Variants in CTDNEP1 observed in about 807,000 individuals in gnomAD.
The protein encoded by CTDNEP1 is C-terminal domain nuclear envelope phosphatase 1.
CTDNEP1 carries 3 observed loss-of-function variants against 30.1 expected under a neutral mutation model. The ratio of observed to expected loss-of-function variants is 0.10; its 90% CI spans 0.05 to 0.26. The LOEUF (loss-of-function observed/expected upper bound fraction) is 0.26, where lower values mean the gene tolerates loss of function less well. Among genes scored for constraint, CTDNEP1 ranks in the 10% least tolerant of loss-of-function variants. The pLI, the probability that CTDNEP1 is intolerant of heterozygous loss-of-function variation, is 1.00. For missense variants in CTDNEP1, 158 were observed against 310.4 expected, an observed-to-expected ratio of 0.51 and a Z score of 3.69; for synonymous variants, 123 against 118.8, an observed-to-expected ratio of 1.04 and a Z score of -0.23.
At chr17:7,249,414 GGGAAT>G (rs2071884488) in intron 1 of CTDNEP1, among the ~76,000 whole-genome samples, 1 of 152,172 alleles carries the variant, frequency 6.6e-6, no homozygotes, top group East Asian at 1.9e-4. Context: ...TGGGCATGTA[GGGAAT>G]GCTCCAAGCA....
chr17:7,251,162 T>C (rs1597577267), intron 1 of CTDNEP1, 33 bp downstream of exon 1: 1 of 1,503,244 alleles, frequency 6.7e-7, no homozygotes, highest in Admixed American at 1.9e-5. Flanking sequence ...CCGCCAGACG[T>C]CCCCAACACC....
In CTDNEP1 at chr17:7,247,292, A is replaced by G; in HGVS notation, c.154T>C (p.Ser52Pro). The G allele has an allele frequency of 6.2e-7, 1 of 1,614,018 alleles. No homozygotes were observed. The highest frequency in any genetic ancestry group is 8.5e-7 in the Non-Finnish European group (1 of 1,179,986). The change falls in exon 2 of 8, where the codon TCC becomes CCC. Residue 52 changes from serine to proline, a missense_variant. By Grantham distance (74) the Ser-to-Pro change is moderately conservative. Coordinates refer to ENST00000574322, the MANE Select transcript of CTDNEP1 (RefSeq NM_001143775.2). The stretch of plus-strand genomic sequence containing the variant: ...ACATACTTACCTAGCCGATTCCGGG[A>G]CACAGGAGATAAGGGGAGGATATCA... ...RYDILPLSPVSRNRLAQVKRK... is the reference protein window; with the variant it reads ...RYDILPLSPVPRNRLAQVKRK...
In CTDNEP1 at chr17:7,246,484, A is replaced by C. The variant is rs982074142; in HGVS notation, c.361-114T>G. The C allele has an allele frequency of 2.7e-5, 22 of 804,094 alleles. No homozygotes were observed. The African/African-American group carries it at 3.4e-4, about 12-fold the overall frequency. The allele number at this position is 804,094 out of a possible 1,614,324, so 49.8% of individuals were successfully genotyped here. On this transcript the variant is annotated intron_variant, in intron 4 of 7. Transcript: ENST00000574322. This position sits in a 1 kb window ranked among gnomAD's most constrained non-coding sequence, Gnocchi z 4.9. ...TCCTTCAGGCCTTCCATCAACATCAAATGTCTCTGAGGACACGAAATTCTG... is the reference window on the plus strand; with the variant it reads ...TCCTTCAGGCCTTCCATCAACATCACATGTCTCTGAGGACACGAAATTCTG...
chr17:7,246,154 C>T lies in CTDNEP1; in HGVS notation c.478-17G>A. The T allele has an allele frequency of 6.2e-7, 1 of 1,603,816 alleles. No homozygotes were observed. The highest frequency in any genetic ancestry group is 1.1e-5 in the South Asian group (1 of 90,868). On this transcript the variant is annotated splice_polypyrimidine_tract_variant and intron_variant, in intron 5 of 7. Coordinates refer to ENST00000574322, the MANE Select transcript of CTDNEP1 (RefSeq NM_001143775.2). This position sits in a 1 kb window ranked among gnomAD's most constrained non-coding sequence, Gnocchi z 4.9. ...AGTGCAGTGCTGGAAGGCAGGGGAT[C>T]ATGTAGCAGGCCTCTCTCCAGGATA...
Position 7,244,090 on chromosome 17 carries a change from G to A in CTDNEP1, c.*95C>T, listed in dbSNP as rs1316565548. On this transcript the variant is annotated 3_prime_UTR_variant, in exon 8 of 8. Transcript: ENST00000574322. ...GGGTGGGAGGGGCAGACCCTGCCCAGGCAGTCCTCACATTGGACAGGGCAT... is the reference window on the plus strand; with the variant it reads ...GGGTGGGAGGGGCAGACCCTGCCCAAGCAGTCCTCACATTGGACAGGGCAT... 3.8e-6 allele frequency: 6 copies of A among 1,572,516 alleles called. No individual in the cohort carries two copies. The highest frequency in any genetic ancestry group is 2.3e-5 in the East Asian group (1 of 43,682).
At position 7,243,878 on chromosome 17, in the gene CTDNEP1, T is replaced by C; in HGVS notation, c.*307A>G. 5 of 1,140,660 alleles carry C rather than the reference T, an allele frequency of 4.4e-6. No individual in the cohort carries two copies. The South Asian group carries it at 6.6e-5, about 15-fold the overall frequency. 70.7% of individuals were successfully genotyped at this position (1,140,660 alleles called of 1,614,324 possible). On this transcript the variant is annotated 3_prime_UTR_variant, in exon 8 of 8. Transcript: ENST00000574322. The stretch of plus-strand genomic sequence containing the variant: ...TTTGAGCCTCCTGGATCACCGTATG[T>C]CTGTCACTCTGGCCAGTCCTGCCTC...
Position 7,243,990 on chromosome 17 carries a change from G to C in CTDNEP1, c.*195C>G. On this transcript the variant is annotated 3_prime_UTR_variant, in exon 8 of 8. Transcript: ENST00000574322. ...GGAGTGTGAACACGAAGTTAAGAGT[G>C]AGGCTGCTTCAGAGCCCCTGGCCCA... 2.1e-6 allele frequency: 3 copies of C among 1,399,564 alleles called. No individual in the cohort carries two copies. The highest frequency in any genetic ancestry group is 2.8e-6 in the Non-Finnish European group (3 of 1,075,860). The allele number at this position is 1,399,564 out of a possible 1,614,324, so 86.7% of individuals were successfully genotyped here. A position where few individuals can be genotyped will look rare whatever the true frequency, so the allele number is the denominator to read the frequency against.
chr17:7,246,151 G>C lies in CTDNEP1; in HGVS notation c.478-14C>G. The C allele has an allele frequency of 6.2e-7, 1 of 1,605,290 alleles. No homozygotes were observed. Among genetic ancestry groups the C allele is most frequent in the Non-Finnish European group, 8.5e-7 (1 of 1,172,078 alleles). On this transcript the variant is annotated splice_polypyrimidine_tract_variant and intron_variant, in intron 5 of 7. Transcript: ENST00000574322. This position sits in a 1 kb window ranked among gnomAD's most constrained non-coding sequence, Gnocchi z 4.9. ...CAAAGTGCAGTGCTGGAAGGCAGGG[G>C]ATCATGTAGCAGGCCTCTCTCCAGG...
chr17:7,244,436 T>C, intron 7 of CTDNEP1, 115 bp downstream of exon 7: 1 of 1,261,832 alleles, frequency 7.9e-7, no homozygotes, highest in Non-Finnish European at 1.1e-6. Context: ...GGTCCAAATG[T>C]TAAATTCTTA....
rs1379101575 is a variant in CTDNEP1 at position 7,248,259 on chromosome 17, C to CCAAAA, written c.103-917_103-916insTTTTG. ...CTGGTGACAGAGCAAGACTCCGTCG[C>CCAAAA]AAAAAAAAAAAAAAAAAAAAAAAAA... On this transcript the variant is annotated intron_variant, in intron 1 of 7. Coordinates refer to ENST00000574322, the MANE Select transcript of CTDNEP1 (RefSeq NM_001143775.2). Among the ~76,000 whole-genome samples, 83 of 15,408 alleles carry CCAAAA rather than the reference C, an allele frequency of 5.4e-3. 8 individuals are homozygous for CCAAAA. The highest frequency in any genetic ancestry group is 7.2e-3 in the African/African-American group (75 of 10,386). The allele number at this position is 15,408 out of a possible 152,430, so 10.1% of individuals were successfully genotyped here. A position where few individuals can be genotyped will look rare whatever the true frequency, so the allele number is the denominator to read the frequency against.
chr17:7,248,057 C>T (rs750812272), intron 1 of CTDNEP1, among the ~76,000 whole-genome samples: 4 of 150,980 alleles, frequency 2.6e-5, no homozygotes, highest in South Asian at 2.1e-4. Context: ...GGTCAAGAGA[C>T]GGAGACCATC....
chr17:7,246,180 C>T lies in CTDNEP1; in HGVS notation c.478-43G>A. ...ATGTAGCAGGCCTCTCTCCAGGATA[C>T]TCTCCTCAAACCCAGATCCCTCCCT... On this transcript the variant is annotated intron_variant, in intron 5 of 7. Coordinates refer to ENST00000574322, the MANE Select transcript of CTDNEP1 (RefSeq NM_001143775.2). The surrounding 1 kb of genome is among the most constrained non-coding windows in gnomAD (Gnocchi z 4.9). The T allele has an allele frequency of 6.3e-7, 1 of 1,588,424 alleles. No homozygotes were observed. The highest frequency in any genetic ancestry group is 8.6e-7 in the Non-Finnish European group (1 of 1,156,678).
In CTDNEP1 at chr17:7,243,942, G is replaced by C. The variant is rs1362923140; in HGVS notation, c.*243C>G. ...ATTCGGCTCTCCTAGGCTTCCGCCTGTGTCCCAGTCTGGGGTTTCCATGGA... is the reference window on the plus strand; with the variant it reads ...ATTCGGCTCTCCTAGGCTTCCGCCTCTGTCCCAGTCTGGGGTTTCCATGGA... On this transcript the variant is annotated 3_prime_UTR_variant, in exon 8 of 8. Coordinates refer to ENST00000574322, the MANE Select transcript of CTDNEP1 (RefSeq NM_001143775.2). 1 of 1,359,692 alleles carries C rather than the reference G, an allele frequency of 7.4e-7. No individual in the cohort carries two copies. Among genetic ancestry groups the C allele is most frequent in the African/African-American group, 1.5e-5 (1 of 67,994 alleles). 84.2% of individuals were successfully genotyped at this position (1,359,692 alleles called of 1,614,324 possible). A position where few individuals can be genotyped will look rare whatever the true frequency, so the allele number is the denominator to read the frequency against.
intron 1 of CTDNEP1, 138 bp downstream of exon 1, chr17:7,251,057 G>A: frequency 1.7e-6 from 1 of 584,110 alleles, no homozygotes; most frequent in Non-Finnish European, 2.9e-6. Context: ...CAATTCTCTG[G>A]CGAGAAAAGC....
In CTDNEP1 at chr17:7,247,163, G is replaced by A. The variant is rs1567587300; in HGVS notation, c.189C>T (p.Ile63=). The part of the protein sequence containing the change: ...RNRLAQVKRK[I]LVLDLDETLI... ...GTGTCTCATCCAGATCCAGCACCAG[G>A]ATCTTCCTCTTCACCTGGGCTGAAC... Residue 63 remains isoleucine, a synonymous_variant, in exon 3 of 8, where the codon ATC becomes ATT. Transcript: ENST00000574322. The A allele has an allele frequency of 1.2e-6, 2 of 1,614,022 alleles. No homozygotes were observed. Among genetic ancestry groups the A allele is most frequent in the Admixed American group, 3.3e-5 (2 of 60,018 alleles).
In CTDNEP1 at chr17:7,244,203, G is replaced by T; in HGVS notation, c.717C>A (p.His239Gln). The stretch of plus-strand genomic sequence containing the variant: ...GCAGCTGTCACCAGAGCCGATGTTG[G>T]TGAAGGTTTCGGCTCAGCACGGAAC... ...DVRSVLSRNL[H>Q]QHRLW Residue 239 changes from histidine to glutamine, a missense_variant, in exon 8 of 8, where the codon CAC becomes CAA. His to Gln is a conservative substitution (Grantham distance 24, BLOSUM62 0). Around this residue, in one of 2 missense-constraint regions of CTDNEP1, gnomAD observed 96 missense variants for 229.1 expected, o/e 0.42. Coordinates refer to ENST00000574322, the MANE Select transcript of CTDNEP1 (RefSeq NM_001143775.2). 1 of 1,614,094 alleles carries T rather than the reference G, an allele frequency of 6.2e-7. No homozygotes were observed. Among genetic ancestry groups the T allele is most frequent in the Non-Finnish European group, 8.5e-7 (1 of 1,180,026 alleles).
chr17:7,245,682 T>A (rs1393281157), intron 6 of CTDNEP1, among the ~76,000 whole-genome samples: 1 of 151,526 alleles, frequency 6.6e-6, no homozygotes, highest in Non-Finnish European at 1.5e-5. Flanking sequence ...CTATTTTTAG[T>A]AGAGATGGGG....
At position 7,246,930 on chromosome 17, in the gene CTDNEP1, C is replaced by T. The variant is rs1342208709; in HGVS notation, c.289-68G>A. 2 of 1,477,574 alleles carry T rather than the reference C, an allele frequency of 1.4e-6. No homozygotes were observed. Among genetic ancestry groups the T allele is most frequent in the Admixed American group, 1.7e-5 (1 of 59,250 alleles). The allele number at this position is 1,477,574 out of a possible 1,614,324, so 91.5% of individuals were successfully genotyped here. A position where few individuals can be genotyped will look rare whatever the true frequency, so the allele number is the denominator to read the frequency against. ...CAACCCAGGCCTAGAAAACGCCCCA[C>T]CCATCTGCTTCCCTCCTCCAGGCTG... On this transcript the variant is annotated intron_variant, in intron 3 of 7. Transcript: ENST00000574322. The surrounding 1 kb of genome is among the most constrained non-coding windows in gnomAD (Gnocchi z 4.9).
chr17:7,244,494 A>AT, intron 7 of CTDNEP1, 57 bp downstream of exon 7: 1 of 1,473,854 alleles, frequency 6.8e-7, no homozygotes, highest in Non-Finnish European at 9.5e-7. Context: ...CCCTCTGAGG[A>AT]TCCCCCACCT....
Sources: gnomAD v4.1 joint callset for allele counts (sites outside exome capture counted in the v4.1 genomes callset) on GRCh38, gnomAD v4.1.1 for gene constraint, gnomAD v4.1.1 regional missense constraint, Gnocchi (gnomAD v3.1) non-coding constraint, MANE v1.5 for transcripts, NCBI Gene and HGNC (gene_info 2026-07-23, HGNC 2026-07-21) for gene names.